Variants in THSD4 observed in about 807,000 individuals in gnomAD.
THSD4 encodes the protein thrombospondin type 1 domain containing 4.
Under a neutral mutation model 119.0 loss-of-function variants are expected in THSD4, and 69 were observed. The observed-to-expected ratio is 0.58, with a 90% confidence interval of 0.48 to 0.71. The LOEUF is 0.71. Ranked by LOEUF, THSD4 falls within the 30% of genes least tolerant of loss-of-function variation. THSD4 has a pLI of 0.00. For synonymous variants in THSD4, 524 were observed against 540.4 expected (o/e 0.97, Z 0.42); for missense variants, 1,393 against 1,391.1 (o/e 1.00, Z -0.02).
At chr15:71,137,401 C>T (rs1241513014) in intron 1 of THSD4, among the ~76,000 whole-genome samples, 1 of 152,154 alleles carries the variant, frequency 6.6e-6, no homozygotes, top group Non-Finnish European at 1.5e-5. Context: ...GTTTAATTCC[C>T]CACAATCACA....
chr15:71,764,073 A>AT (rs1335852148), intron 15 of THSD4, among the ~76,000 whole-genome samples: 10 of 151,844 alleles, frequency 6.6e-5, no homozygotes, highest in African/African-American at 2.4e-4. Context: ...CCTCAAAAAA[A>AT]AAATAAATAA....
chr15:71,747,582 T>G (rs1301861700), intron 13 of THSD4, among the ~76,000 whole-genome samples: 2 of 152,200 alleles, frequency 1.3e-5, no homozygotes, highest in Admixed American at 1.3e-4. Context: ...CGGGGACCCC[T>G]TGAATCGGAG....
chr15:71,203,163 G>T (rs1567156153), intron 3 of THSD4, among the ~76,000 whole-genome samples: 1 of 152,142 alleles, frequency 6.6e-6, no homozygotes, highest in Non-Finnish European at 1.5e-5. Context: ...GGTGGGCAGG[G>T]AGAGAAAGTG....
intron 6 of THSD4, among the ~76,000 whole-genome samples, chr15:71,264,686 G>C (rs2044444015): frequency 6.6e-6 from 1 of 152,088 alleles, no homozygotes. Context: ...TAACAAAATG[G>C]ATTTTACAAG....
At chr15:71,142,612 C>G (rs1020425963) in intron 2 of THSD4, among the ~76,000 whole-genome samples, 7 of 152,228 alleles carry the variant, frequency 4.6e-5, no homozygotes, top group African/African-American at 1.7e-4. Context: ...AATATCTGCC[C>G]AAGCATCTAG....
intron 2 of THSD4, among the ~76,000 whole-genome samples, chr15:71,142,295 AGCTTACATCATGGCT>A (rs914892349): frequency 8.1e-6 from 1 of 124,130 alleles, no homozygotes; most frequent in African/African-American, 3.0e-5. Context: ...ATGCTCAGAG[AGCTTACATCATGGCT>A]GTCACCTTCC....
intron 1 of THSD4, among the ~76,000 whole-genome samples, chr15:71,117,916 G>T (rs1472025069): frequency 6.6e-6 from 1 of 152,116 alleles, no homozygotes; most frequent in African/African-American, 2.4e-5. Flanking sequence ...GGAGTCCACA[G>T]GCTAGCAGAT....
chr15:71,666,657 T>C (rs7169459), intron 8 of THSD4, among the ~76,000 whole-genome samples: 44,414 of 152,176 alleles, frequency 0.29, 7,266 homozygotes, highest in East Asian at 0.74. Context: ...TATTTCAAAA[T>C]GCTTTAGACT....
intron 14 of THSD4, among the ~76,000 whole-genome samples, chr15:71,749,697 T>TTTTTTAA (rs748022578): frequency 6.4e-4 from 88 of 137,668 alleles, no homozygotes; most frequent in African/African-American, 2.2e-3. Context: ...ATTTTTAAAT[T>TTTTTTAA]TTTATTTATT....
chr15:71,626,586 A>G (rs11634058), intron 7 of THSD4, among the ~76,000 whole-genome samples: 64,567 of 152,070 alleles, frequency 0.42, 14,852 homozygotes, highest in East Asian at 0.71. Context: ...TTTAAATTGC[A>G]TCTTTTGAGA....
intron 17 of THSD4, among the ~76,000 whole-genome samples, chr15:71,775,123 G>A (rs1302197216): frequency 6.6e-6 from 1 of 151,508 alleles, no homozygotes; most frequent in Non-Finnish European, 1.5e-5. Flanking sequence ...TCCAGCCTGC[G>A]CAACAAGAGC....
In THSD4 at chr15:71,765,006, GCTT is replaced by G. The variant is rs772953583; in HGVS notation, c.2590-10_2590-8del. 1.9e-6 allele frequency: 3 copies of G among 1,605,768 alleles called. No individual in the cohort carries two copies. Among genetic ancestry groups the G allele is most frequent in the Non-Finnish European group, 1.7e-6 (2 of 1,175,212 alleles). ...CATCATGTGACACTCATCTTTTTCT[GCTT>G]CTTTCTGCAGTGTTCCATCGAGTGT... is the stretch of plus-strand genomic sequence containing the variant. On this transcript the variant is annotated splice_polypyrimidine_tract_variant and intron_variant, in intron 15 of 17. Transcript: ENST00000261862.
intron 10 of THSD4, 109 bp from the exon 11 acceptor site, chr15:71,737,623 T>G: frequency 7.1e-7 from 1 of 1,417,466 alleles, no homozygotes; most frequent in Non-Finnish European, 9.3e-7. Flanking sequence ...GTGCTGTGAC[T>G]TAGAAACGAT....
At chr15:71,562,002 A>T (rs978491955) in intron 7 of THSD4, among the ~76,000 whole-genome samples, 2 of 152,176 alleles carry the variant, frequency 1.3e-5, no homozygotes, top group Non-Finnish European at 1.5e-5. Flanking sequence ...TCATTATTTA[A>T]TAAGGAACCT....
intron 2 of THSD4, among the ~76,000 whole-genome samples, chr15:71,143,809 G>A (rs1055863069): frequency 1.3e-5 from 2 of 148,660 alleles, no homozygotes; most frequent in South Asian, 2.1e-4. Flanking sequence ...GGGCTCAAGC[G>A]ATCCTCCACC....
intron 6 of THSD4, among the ~76,000 whole-genome samples, chr15:71,377,661 A>T (rs376286661): frequency 7.2e-5 from 11 of 152,102 alleles, no homozygotes; most frequent in African/African-American, 2.7e-4. Flanking sequence ...GACAACACCC[A>T]GGGTGCAGTG....
At chr15:71,379,452 T>G (rs892419814) in intron 6 of THSD4, among the ~76,000 whole-genome samples, 1,261 of 51,320 alleles carry the variant, frequency 0.025, 23 homozygotes, top group Middle Eastern at 0.1. Flanking sequence ...AATGGCTTCT[T>G]TTTTTTTTTT....
At chr15:71,339,521 G>A (rs910792478) in intron 6 of THSD4, among the ~76,000 whole-genome samples, 2 of 152,010 alleles carry the variant, frequency 1.3e-5, no homozygotes, top group African/African-American at 2.4e-5. Context: ...AATGAGAGCC[G>A]TACATTATCT....
intron 7 of THSD4, among the ~76,000 whole-genome samples, chr15:71,647,230 G>A (rs1024978090): frequency 6.6e-6 from 1 of 152,176 alleles, no homozygotes; most frequent in Non-Finnish European, 1.5e-5. Context: ...GCAGTCTCTT[G>A]GAAGCCATGT....
Sources: gnomAD v4.1 joint callset for allele counts (sites outside exome capture counted in the v4.1 genomes callset) on GRCh38, gnomAD v4.1.1 for gene constraint, MANE v1.5 for transcripts, NCBI Gene and HGNC (gene_info 2026-07-23, HGNC 2026-07-21) for gene names.